The following MAPT variants were observed in gnomAD, a reference collection of about 807,000 sequenced individuals.
MAPT encodes microtubule associated protein tau.
In MAPT, 34 loss-of-function variants were observed where a neutral mutation model predicts 67.9. That is an observed-to-expected ratio of 0.50 (90% confidence interval 0.38 to 0.67). The LOEUF is 0.67. MAPT is among the 30% of genes least tolerant of loss of function. The probability of loss-of-function intolerance (pLI) is 0.00; values close to 1 mark genes in which losing one functional copy is unlikely to be tolerated. For synonymous variants in MAPT, 456 were observed against 464.5 expected, an observed-to-expected ratio of 0.98 and a Z score of 0.23; for missense variants, 881 against 1,115.2, an observed-to-expected ratio of 0.79 and a Z score of 2.99.
chr17:46,014,073 T>C (rs1425562869), intron 10 of MAPT, among the ~76,000 whole-genome samples, 170 bp from the exon 11 acceptor site: 2 of 152,204 alleles, frequency 1.3e-5, no homozygotes, highest in African/African-American at 4.8e-5. Flanking sequence ...CTGACTAGGA[T>C]GTGCTCCTCA....
intron 2 of MAPT, among the ~76,000 whole-genome samples, chr17:45,963,394 G>A (rs548754799): frequency 1.3e-5 from 2 of 152,136 alleles, no homozygotes; most frequent in Non-Finnish European, 2.9e-5. Context: ...GGAGTGCCAG[G>A]TTGGTCCAAG....
chr17:45,993,846 G>A (rs2074261958), intron 8 of MAPT: 6 of 1,432,736 alleles, frequency 4.2e-6, no homozygotes, highest in East Asian at 4.9e-5. Flanking sequence ...AGCTGTGGGT[G>A]CCTGCCACGT....
intron 1 of MAPT, among the ~76,000 whole-genome samples, chr17:45,903,447 C>A (rs1045064246): frequency 6.6e-6 from 1 of 151,860 alleles, no homozygotes; most frequent in Non-Finnish European, 1.5e-5. Flanking sequence ...AGTCTGGGCG[C>A]GGTGGCTCAC....
rs56234850 is a variant in MAPT at position 45,982,882 on chromosome 17, G to T, written c.303G>T (p.Pro101=). The T allele has an allele frequency of 7.6e-7, 1 of 1,312,602 alleles. No individual in the cohort carries two copies. The highest frequency in any genetic ancestry group is 9.7e-7 in the Non-Finnish European group (1 of 1,030,710). 81.3% of individuals were successfully genotyped at this position (1,312,602 alleles called of 1,614,324 possible). A position where few individuals can be genotyped will look rare whatever the true frequency, so the allele number is the denominator to read the frequency against. ...TCAAACCAGAGGAGTTGAGAGTTCC[G>T]GGCCGGCAGAGGAAGGCGCCTGAAA... ...GHVTQEELRV[P]GRQRKAPERP... Residue 101 remains proline, a synonymous_variant, in exon 5 of 13, where the codon CCG becomes CCT. Coordinates refer to ENST00000262410, the MANE Select transcript of MAPT (RefSeq NM_001377265.1).
At chr17:46,018,437 AC>A (rs750265238) in intron 11 of MAPT, among the ~76,000 whole-genome samples, 180 bp from the exon 12 acceptor site, 1 of 152,138 alleles carries the variant, frequency 6.6e-6, no homozygotes, top group Non-Finnish European at 1.5e-5. Context: ...CCTGCTGCAA[AC>A]CTGGAAGTCC....
At chr17:45,911,884 G>C (rs1297623667) in intron 1 of MAPT, among the ~76,000 whole-genome samples, 3 of 152,236 alleles carry the variant, frequency 2.0e-5, no homozygotes, top group African/African-American at 7.2e-5. Context: ...GGAGGGTGGA[G>C]GGGAACAGGT....
chr17:45,988,142 C>T (rs543979090), intron 6 of MAPT, among the ~76,000 whole-genome samples: 1 of 152,248 alleles, frequency 6.6e-6, no homozygotes, highest in East Asian at 1.9e-4. Flanking sequence ...GCTTTCTTGT[C>T]ATCAGCCCCA....
chr17:45,972,415 C>T (rs1378649363), intron 3 of MAPT, among the ~76,000 whole-genome samples: 1 of 152,192 alleles, frequency 6.6e-6, no homozygotes, highest in East Asian at 1.9e-4. Context: ...AGCCCTTCTC[C>T]TAACCTGTCC....
intron 1 of MAPT, chr17:45,898,517 T>G (rs1195628289): frequency 6.6e-6 from 1 of 152,250 alleles, no homozygotes; most frequent in African/African-American, 2.4e-5. Flanking sequence ...GTGGTTTTCC[T>G]TCTGCCTTTT....
intron 8 of MAPT, among the ~76,000 whole-genome samples, 195 bp downstream of exon 8, chr17:45,991,781 CTT>C (rs1299153080): frequency 7.0e-6 from 1 of 143,194 alleles, no homozygotes. Flanking sequence ...GAATCCCTAC[CTT>C]TTTTTTTTTT....
chr17:45,999,499 T>C, intron 9 of MAPT: 1 of 1,614,016 alleles, frequency 6.2e-7, no homozygotes. Flanking sequence ...GGGCACCATT[T>C]GGCCCAGTTC....
At chr17:45,941,717 T>TCCTGCCTG (rs1195804704) in intron 1 of MAPT, among the ~76,000 whole-genome samples, 1 of 88,380 alleles carries the variant, frequency 1.1e-5, no homozygotes, top group African/African-American at 5.0e-5. Context: ...CTTCCTTCCT[T>TCCTGCCTG]CCTTCCTTCC....
Position 46,024,618 on chromosome 17 carries a change from T to G in MAPT, c.*447T>G. 1 of 250,726 alleles carries G rather than the reference T, an allele frequency of 4.0e-6. No homozygotes were observed. The highest frequency in any genetic ancestry group is 7.7e-6 in the Non-Finnish European group (1 of 129,984). The allele number at this position is 250,726 out of a possible 1,614,324, so 15.5% of individuals were successfully genotyped here. ...GAGGCAGTGGCAGCAACAAAGGATT[T>G]GAAACTTGGTGTGTTCGTGGAGCCA... is the stretch of plus-strand genomic sequence containing the variant. On this transcript the variant is annotated 3_prime_UTR_variant, in exon 13 of 13. Coordinates refer to ENST00000262410, the MANE Select transcript of MAPT (RefSeq NM_001377265.1).
In MAPT at chr17:45,931,243, T is replaced by C. The variant is rs183461678; in HGVS notation, c.-17-31078T>C. Among the ~76,000 whole-genome samples, 1,287 of 152,280 alleles carry C rather than the reference T, an allele frequency of 8.5e-3. 27 individuals are homozygous for C. Among genetic ancestry groups the C allele is most frequent in the African/African-American group, 0.029 (1,219 of 41,542 alleles). On this transcript the variant is annotated intron_variant, in intron 1 of 12. Coordinates refer to ENST00000262410, the MANE Select transcript of MAPT (RefSeq NM_001377265.1). ...TTGACACCCAGCGCTGACCTTTGTT[T>C]AACAACCTCACCTATATATGACAAA...
Position 46,026,284 on chromosome 17 carries a change from A to G in MAPT, c.*2113A>G, listed in dbSNP as rs1362204972. 1 of 152,534 alleles carries G rather than the reference A, an allele frequency of 6.6e-6. No homozygotes were observed. Among genetic ancestry groups the G allele is most frequent in the African/African-American group, 2.4e-5 (1 of 41,394 alleles). 9.4% of individuals were successfully genotyped at this position (152,534 alleles called of 1,614,324 possible). ...CAACAGAGACCAGCTTCTAGCAGCT[A>G]AGGAGGCCGTTCAGCTGTGACGAAG... On this transcript the variant is annotated 3_prime_UTR_variant, in exon 13 of 13. Transcript: ENST00000262410.
At chr17:45,994,199 G>T (rs2145802989) in intron 8 of MAPT, among the ~76,000 whole-genome samples, 1 of 152,286 alleles carries the variant, frequency 6.6e-6, no homozygotes, top group East Asian at 1.9e-4. Context: ...TTGACTTCAG[G>T]GACAATGGCA....
chr17:45,990,115 T>A (rs1187434649), intron 7 of MAPT, 40 bp downstream of exon 7: 3 of 1,590,026 alleles, frequency 1.9e-6, no homozygotes, highest in Non-Finnish European at 2.6e-6. Context: ...GCTGCTCTGC[T>A]GTGGTTTGCA....
intron 9 of MAPT, among the ~76,000 whole-genome samples, chr17:46,003,082 C>A (rs1162153538): frequency 1.3e-5 from 2 of 151,142 alleles, no homozygotes; most frequent in Admixed American, 6.6e-5. Flanking sequence ...CCATGCCCGA[C>A]CTTCTCTTTT....
chr17:45,916,952 C>T (rs1354884537), intron 1 of MAPT, among the ~76,000 whole-genome samples: 1 of 152,206 alleles, frequency 6.6e-6, no homozygotes, highest in Non-Finnish European at 1.5e-5. Flanking sequence ...GATGGGCCCT[C>T]AGACTCACCC....
Sources: allele counts gnomAD v4.1 joint callset (sites outside exome capture counted in the v4.1 genomes callset), GRCh38; gene constraint gnomAD v4.1.1; transcripts MANE v1.5; gene names NCBI Gene and HGNC (gene_info 2026-07-23, HGNC 2026-07-21).